SMCO1: variants seen among roughly 807,000 people sequenced by gnomAD.
The protein encoded by SMCO1 is single-pass membrane protein with coiled-coil domains 1, also known as single-pass membrane and coiled-coil domain-containing protein 1.
In SMCO1, 9 loss-of-function variants were observed where a neutral mutation model predicts 7.5. The ratio of observed to expected loss-of-function variants is 1.20; its 90% CI spans 0.72 to 2.09. The LOEUF (loss-of-function observed/expected upper bound fraction) is 2.09. Among genes scored for constraint, SMCO1 ranks in the 30% most tolerant of loss-of-function variants. SMCO1 has a pLI of 0.00. For synonymous variants in SMCO1, 90 were observed against 93.8 expected (o/e 0.96, Z 0.23); for missense variants, 219 against 253.1 (o/e 0.87, Z 0.91).
At chr3:196,512,962 T>G (rs1733289476) in intron 1 of SMCO1, among the ~76,000 whole-genome samples, 1 of 152,232 alleles carries the variant, frequency 6.6e-6, no homozygotes, top group Non-Finnish European at 1.5e-5. Flanking sequence ...AGACTCAGTA[T>G]AAAATGTTCA....
chr3:196,513,738 G>A (rs1733312163), intron 1 of SMCO1, among the ~76,000 whole-genome samples: 1 of 151,566 alleles, frequency 6.6e-6, no homozygotes. Context: ...TAGGGAAGAA[G>A]TCTAGCTTGT....
upstream of SMCO1, among the ~76,000 whole-genome samples, chr3:196,519,730 T>C (rs1176115728): frequency 6.6e-6 from 1 of 152,066 alleles, no homozygotes; most frequent in Non-Finnish European, 1.5e-5. Flanking sequence ...TTTCCCAAGA[T>C]CCATTTTCCA....
chr3:196,518,347 CTT>C, upstream of SMCO1, among the ~76,000 whole-genome samples: 1 of 152,378 alleles, frequency 6.6e-6, no homozygotes, highest in East Asian at 1.9e-4. Flanking sequence ...GAGCTGTTCT[CTT>C]CCTTCTTGCC....
chr3:196,516,790 G>A (rs1733396297), upstream of SMCO1, among the ~76,000 whole-genome samples: 1 of 152,062 alleles, frequency 6.6e-6, no homozygotes. Flanking sequence ...ACAGATGTGA[G>A]CTGTTGGTTC....
chr3:196,511,038 C>T (rs906443832), intron 1 of SMCO1, among the ~76,000 whole-genome samples: 7 of 152,204 alleles, frequency 4.6e-5, no homozygotes, highest in African/African-American at 1.7e-4. Context: ...AATTCACTTG[C>T]CTGAGCCACC....
chr3:196,517,499 C>T (rs1244552247), upstream of SMCO1, among the ~76,000 whole-genome samples: 2 of 152,114 alleles, frequency 1.3e-5, no homozygotes, highest in Non-Finnish European at 2.9e-5. Flanking sequence ...TAAGGAAGCG[C>T]TGGTGGGATG....
At position 196,507,956 on chromosome 3, in the gene SMCO1, C is replaced by T. The variant is rs1336219526; in HGVS notation, c.576G>A (p.Gly192=). ...GCTTTTCAGGGGTCCTAACTGCTTT[C>T]CCCTTCTCAATTACCTGCACAGCCC... ...LLRAVQVIEK[G]KAVRTPEKQK... is the part of the protein sequence containing the mutation. Residue 192 remains glycine, a synonymous_variant, in exon 3 of 3, where the codon GGG becomes GGA. Coordinates refer to ENST00000397537, the MANE Select transcript of SMCO1 (RefSeq NM_001077657.3). 6.2e-7 allele frequency: 1 copy of T among 1,614,166 alleles called. No individual in the cohort carries two copies. Among genetic ancestry groups the T allele is most frequent in the Admixed American group, 1.7e-5 (1 of 60,010 alleles).
Position 196,507,046 on chromosome 3 carries a change from C to G in SMCO1, c.*841G>C, listed in dbSNP as rs969483478. Reference sequence around the variant, plus strand: ...TGGCTATGCTTGACAAAGCACCATTCAGAAATAGGCACGATAGTGTAGAGG... The same window carrying G: ...TGGCTATGCTTGACAAAGCACCATTGAGAAATAGGCACGATAGTGTAGAGG... On this transcript the variant is annotated 3_prime_UTR_variant, in exon 3 of 3. Transcript: ENST00000397537. 3 of 152,108 alleles carry G rather than the reference C, an allele frequency of 2.0e-5. No homozygotes were observed. Among genetic ancestry groups the G allele is most frequent in the African/African-American group, 7.2e-5 (3 of 41,392 alleles). The allele number at this position is 152,108 out of a possible 1,614,324, so 9.4% of individuals were successfully genotyped here.
chr3:196,514,312 A>G (rs1181540198), intron 1 of SMCO1, among the ~76,000 whole-genome samples: 1 of 152,080 alleles, frequency 6.6e-6, no homozygotes, highest in Non-Finnish European at 1.5e-5. Flanking sequence ...CTGCTTGAAT[A>G]CATTATGTGG....
In SMCO1 at chr3:196,509,310, C is replaced by T. The variant is rs181967123; in HGVS notation, c.200+210G>A. On this transcript the variant is annotated intron_variant, in intron 2 of 2. Coordinates refer to ENST00000397537, the MANE Select transcript of SMCO1 (RefSeq NM_001077657.3). ...CGATCTCCTGACCTCGTGATCCGCCCGCCTCGGCCTCCCAAAGTGCTGGGA... is the reference window on the plus strand; with the variant it reads ...CGATCTCCTGACCTCGTGATCCGCCTGCCTCGGCCTCCCAAAGTGCTGGGA... Among the ~76,000 whole-genome samples, 32 of 151,428 alleles carry T rather than the reference C, an allele frequency of 2.1e-4. No individual in the cohort carries two copies. In the East Asian group the frequency reaches 6.2e-3, roughly 30 times the overall value.
intron 1 of SMCO1, among the ~76,000 whole-genome samples, chr3:196,510,700 G>A (rs747952268): frequency 1.2e-4 from 18 of 151,898 alleles, no homozygotes; most frequent in South Asian, 2.1e-4. Context: ...GCCCCCCTGC[G>A]TCTCGCTTAC....
Position 196,508,183 on chromosome 3 carries a change from G to A in SMCO1, c.349C>T (p.Arg117Cys), listed in dbSNP as rs373120792. The A allele has an allele frequency of 6.4e-5, 103 of 1,614,000 alleles. No individual in the cohort carries two copies. The highest frequency in any genetic ancestry group is 7.5e-5 in the Non-Finnish European group (89 of 1,180,042). Residue 117 changes from arginine to cysteine, a missense_variant, in exon 3 of 3, where the codon CGC becomes TGC. Physicochemically the swap from Arg to Cys is radical, Grantham distance 180 (BLOSUM62 -3). Coordinates refer to ENST00000397537, the MANE Select transcript of SMCO1 (RefSeq NM_001077657.3). ...ATGGACTCCCATACAACTCTAACGC[G>A]CTTGTTCTTAACTTTTCTTCTGAGT... ...SVLRRKVKNKRVRVVWESILE... is the reference protein window; with the variant it reads ...SVLRRKVKNKCVRVVWESILE...
At chr3:196,512,699 G>A (rs1297026906) in intron 1 of SMCO1, among the ~76,000 whole-genome samples, 1 of 151,570 alleles carries the variant, frequency 6.6e-6, no homozygotes, top group African/African-American at 2.4e-5. Flanking sequence ...GTAGAGATGG[G>A]GTTTCACCAT....
chr3:196,509,815 G>A (rs1733173084), intron 1 of SMCO1, 146 bp from the exon 2 acceptor site: 3 of 584,894 alleles, frequency 5.1e-6, no homozygotes, highest in South Asian at 4.0e-5. Flanking sequence ...AACTATGAAG[G>A]GAAAATGGGT....
chr3:196,511,010 C>A (rs960455636), intron 1 of SMCO1, among the ~76,000 whole-genome samples: 19 of 152,332 alleles, frequency 1.2e-4, no homozygotes, highest in African/African-American at 4.6e-4. Context: ...TAATTAACCA[C>A]AAAGACTGGA....
chr3:196,508,311 T>C lies in SMCO1; in HGVS notation c.221A>G (p.Asn74Ser). 1 of 1,606,674 alleles carries C rather than the reference T, an allele frequency of 6.2e-7. No homozygotes were observed. Among genetic ancestry groups the C allele is most frequent in the Non-Finnish European group, 8.5e-7 (1 of 1,175,834 alleles). ...RALQLTSMEL[N>S]ILYSYVIEVL... The stretch of plus-strand genomic sequence containing the variant: ...TTCAATGACGTAGCTGTATAAAATA[T>C]TCAATTCCATTGAAGTGAGCCTACA... Residue 74 changes from asparagine to serine, a missense_variant, in exon 3 of 3, where the codon AAT becomes AGT. Asn to Ser is a conservative substitution (Grantham distance 46). Coordinates refer to ENST00000397537, the MANE Select transcript of SMCO1 (RefSeq NM_001077657.3).
upstream of SMCO1, among the ~76,000 whole-genome samples, chr3:196,517,104 C>CAAAAAAAAAAA (rs56104987): frequency 3.6e-4 from 13 of 35,738 alleles, 3 homozygotes; most frequent in African/African-American, 2.1e-3. Flanking sequence ...GACTCCATCG[C>CAAAAAAAAAAA]AAAAAAAAAA....
chr3:196,512,851 G>A (rs1733286697), intron 1 of SMCO1, among the ~76,000 whole-genome samples: 1 of 152,060 alleles, frequency 6.6e-6, no homozygotes, highest in African/African-American at 2.4e-5. Flanking sequence ...CCACAAAGAT[G>A]GAGATGTCAA....
chr3:196,516,000 T>G (rs1342672990), upstream of SMCO1, among the ~76,000 whole-genome samples: 1 of 81,274 alleles, frequency 1.2e-5, no homozygotes, highest in East Asian at 3.6e-4. Flanking sequence ...TATATATATA[T>G]ATATATATAT....
Sources: allele counts gnomAD v4.1 joint callset (sites outside exome capture counted in the v4.1 genomes callset), GRCh38; gene constraint gnomAD v4.1.1; transcripts MANE v1.5; gene names NCBI Gene and HGNC (gene_info 2026-07-23, HGNC 2026-07-21).